Variants in HTT observed in about 807,000 individuals in gnomAD.
HTT encodes huntingtin, also known as huntington disease protein.
In HTT, 104 loss-of-function variants were observed where a neutral mutation model predicts 362.3. That is an observed-to-expected ratio of 0.29 (90% confidence interval 0.24 to 0.34). HTT has a LOEUF of 0.34. HTT is among the 10% of genes least tolerant of loss of function. HTT has a pLI of 1.00. For missense variants in HTT, 3,301 were observed against 3,928.6 expected, an observed-to-expected ratio of 0.84 and a Z score of 4.27; for synonymous variants, 1,577 against 1,548.7, an observed-to-expected ratio of 1.02 and a Z score of -0.43.
At chr4:3,146,721 G>T in intron 24 of HTT, 76 bp from the exon 25 acceptor site, 1 of 1,328,956 alleles carries the variant, frequency 7.5e-7, no homozygotes, top group Middle Eastern at 1.8e-4. Flanking sequence ...CTTCCTCTTG[G>T]AATTGCAAGA....
intron 21 of HTT, among the ~76,000 whole-genome samples, chr4:3,138,604 C>G (rs899917640): frequency 6.6e-6 from 1 of 152,090 alleles, no homozygotes; most frequent in Non-Finnish European, 1.5e-5. Context: ...GAAGTTGATA[C>G]TTCTCTTTAT....
Position 3,235,735 on chromosome 4 carries a change from G to A in HTT, c.8742G>A (p.Arg2914=). 1 of 1,611,858 alleles carries A rather than the reference G, an allele frequency of 6.2e-7. No individual in the cohort carries two copies. The change falls in exon 63 of 67, where the codon CGG becomes CGA. Residue 2914 remains arginine, a synonymous_variant. Transcript: ENST00000355072. ...GAGTGAACGTGCACAGCCCGCACCGGGCCATGGCGGCTCTGGGCCTGATGC... is the reference window on the plus strand; with the variant it reads ...GAGTGAACGTGCACAGCCCGCACCGAGCCATGGCGGCTCTGGGCCTGATGC... ...VDRVNVHSPH[R]AMAALGLMLT...
chr4:3,189,141 G>T (rs1202656710), intron 40 of HTT, 48 bp downstream of exon 40: 5 of 1,586,196 alleles, frequency 3.2e-6, no homozygotes, highest in Non-Finnish European at 4.3e-6. Flanking sequence ...TCCCCATTCT[G>T]CACTATACAC....
At chr4:3,214,206 G>A in intron 50 of HTT, 71 bp downstream of exon 50, 1 of 1,235,680 alleles carries the variant, frequency 8.1e-7, no homozygotes. Context: ...TTTATTTTGT[G>A]CTGCCTGTTT....
At chr4:3,138,531 C>T (rs1354924009) in intron 21 of HTT, among the ~76,000 whole-genome samples, 1 of 152,142 alleles carries the variant, frequency 6.6e-6, no homozygotes, top group African/African-American at 2.4e-5. Context: ...GTGATTGTGC[C>T]TGATTCTTCT....
intron 47 of HTT, among the ~76,000 whole-genome samples, chr4:3,211,279 T>G (rs908353243): frequency 1.3e-5 from 2 of 152,238 alleles, no homozygotes; most frequent in African/African-American, 4.8e-5. Flanking sequence ...GATCTGTTTA[T>G]TAGGTTTTCC....
At chr4:3,227,816 G>A (rs1179298935) in intron 57 of HTT, among the ~76,000 whole-genome samples, 2 of 151,396 alleles carry the variant, frequency 1.3e-5, no homozygotes, top group Non-Finnish European at 2.9e-5. Context: ...TGGGGCTGAA[G>A]GACAGTGCCA....
At chr4:3,169,642 C>T (rs1466220204) in intron 29 of HTT, among the ~76,000 whole-genome samples, 2 of 151,564 alleles carry the variant, frequency 1.3e-5, no homozygotes, top group African/African-American at 4.9e-5. Context: ...GGTGCGATAT[C>T]AGCTCACTGC....
Position 3,113,780 on chromosome 4 carries a change from CTG to C in HTT, c.748-1521_748-1520del, listed in dbSNP as rs1199567500. On this transcript the variant is annotated intron_variant, in intron 6 of 66. Transcript: ENST00000355072. ...CCTGTGGCTGGGGGGTGGGGTAGTCCTGTGGCTCCTTGTCAGGGAGTCCTGTG... is the reference window on the plus strand; with the variant it reads ...CCTGTGGCTGGGGGGTGGGGTAGTCCTGGCTCCTTGTCAGGGAGTCCTGTG... Among the ~76,000 whole-genome samples, 3 of 152,018 alleles carry C rather than the reference CTG, an allele frequency of 2.0e-5. No individual in the cohort carries two copies. In the East Asian group the frequency reaches 5.8e-4, roughly 29 times the overall value.
intron 28 of HTT, among the ~76,000 whole-genome samples, chr4:3,158,644 GTT>G (rs11298141): frequency 6.6e-6 from 1 of 151,620 alleles, no homozygotes; most frequent in South Asian, 2.1e-4. Context: ...CTTCTTATGG[GTT>G]TTTTTTCCCC....
rs1187988752 is a variant in HTT at position 3,075,328 on chromosome 4, C to G, written c.263+240C>G. Reference sequence around the variant, plus strand: ...TGTCCTCTCGCGAGGGGAGGCAGAGCCTTGTTGGGGCCTGTCCTGAATTCA... The same window carrying G: ...TGTCCTCTCGCGAGGGGAGGCAGAGGCTTGTTGGGGCCTGTCCTGAATTCA... On this transcript the variant is annotated intron_variant, in intron 1 of 66. Transcript: ENST00000355072. Among the ~76,000 whole-genome samples, 4 of 152,360 alleles carry G rather than the reference C, an allele frequency of 2.6e-5. No homozygotes were observed. The East Asian group carries it at 5.8e-4, about 22-fold the overall frequency.
At chr4:3,223,627 A>G in intron 55 of HTT, 67 bp downstream of exon 55, 1 of 1,357,836 alleles carries the variant, frequency 7.4e-7, no homozygotes, top group Non-Finnish European at 1.0e-6. Flanking sequence ...TCCCCGCTGA[A>G]GCGTCCAGCA....
intron 9 of HTT, 126 bp downstream of exon 9, chr4:3,121,558 AC>A: frequency 1.5e-6 from 1 of 649,910 alleles, no homozygotes; most frequent in Non-Finnish European, 2.7e-6. Context: ...AACTTATAAT[AC>A]AAATTTCATC....
intron 30 of HTT, 98 bp from the exon 31 acceptor site, chr4:3,172,810 A>T: frequency 1.2e-6 from 1 of 853,382 alleles, no homozygotes; most frequent in Non-Finnish European, 2.0e-6. Context: ...CTTTGCTAAC[A>T]TATCCAGTTA....
intron 41 of HTT, among the ~76,000 whole-genome samples, chr4:3,201,516 T>G (rs1164878917): frequency 8.4e-6 from 1 of 118,362 alleles, no homozygotes; most frequent in Non-Finnish European, 1.6e-5. Context: ...GGTGACAGAG[T>G]GAGACTCCAT....
chr4:3,187,275 C>A (rs1489048201), intron 38 of HTT, among the ~76,000 whole-genome samples: 4 of 152,044 alleles, frequency 2.6e-5, no homozygotes, highest in African/African-American at 9.7e-5. Flanking sequence ...CCTGCCTCAG[C>A]CTCCCGAGTA....
At position 3,196,273 on chromosome 4, in the gene HTT, G is replaced by A. The variant is rs554575836; in HGVS notation, c.5369-3459G>A. The stretch of plus-strand genomic sequence containing the variant: ...AGTTGTTCCTCCCTCCACCTGGAAG[G>A]GACCCTGGGTTCCTCATAACATCCC... On this transcript the variant is annotated intron_variant, in intron 40 of 66. Transcript: ENST00000355072. Among the ~76,000 whole-genome samples, 5 of 152,208 alleles carry A rather than the reference G, an allele frequency of 3.3e-5. No homozygotes were observed. The South Asian group carries it at 1.0e-3, about 32-fold the overall frequency.
At chr4:3,152,714 A>G (rs1035167169) in intron 26 of HTT, among the ~76,000 whole-genome samples, 7 of 149,582 alleles carry the variant, frequency 4.7e-5, no homozygotes, top group Non-Finnish European at 7.4e-5. Flanking sequence ...TTTTTTTTTT[A>G]AATTGTGACG....
At position 3,074,921 on chromosome 4, in the gene HTT, G is replaced by GCAT; in HGVS notation, c.98_99insTCA (p.Gln32_Gln33insHis). ...AGCAGCAGCAGCAGCAGCAGCAGCA[G>GCAT]CAGCAGCAGCAGCAACAGCCGCCAC... On this transcript the variant is annotated inframe_insertion, in exon 1 of 67. Transcript: ENST00000355072. 1 of 1,459,150 alleles carries GCAT rather than the reference G, an allele frequency of 6.9e-7. No homozygotes were observed. The highest frequency in any genetic ancestry group is 1.3e-5 in the South Asian group (1 of 78,640). 90.4% of individuals were successfully genotyped at this position (1,459,150 alleles called of 1,614,324 possible). A position where few individuals can be genotyped will look rare whatever the true frequency, so the allele number is the denominator to read the frequency against.
Sources: gnomAD v4.1 joint callset for allele counts (sites outside exome capture counted in the v4.1 genomes callset) on GRCh38, gnomAD v4.1.1 for gene constraint, MANE v1.5 for transcripts, NCBI Gene and HGNC (gene_info 2026-07-23, HGNC 2026-07-21) for gene names.